The following BABAM2 variants were observed in gnomAD, a reference collection of about 807,000 sequenced individuals.
BABAM2 encodes the protein BRISC and BRCA1 A complex member 2.
Under a neutral mutation model 54.7 loss-of-function variants are expected in BABAM2, and 31 were observed. The ratio of observed to expected loss-of-function variants is 0.57; its 90% CI spans 0.43 to 0.77. BABAM2 has a LOEUF of 0.77. Ranked by LOEUF, BABAM2 falls within the 30% of genes least tolerant of loss-of-function variation. The probability of loss-of-function intolerance (pLI) is 0.00; values close to 1 mark genes in which losing one functional copy is unlikely to be tolerated. For missense variants in BABAM2, 364 were observed against 455.8 expected, an observed-to-expected ratio of 0.80 and a Z score of 1.83; for synonymous variants, 167 against 162.9, an observed-to-expected ratio of 1.03 and a Z score of -0.19.
chr2:28,230,654 G>A (rs1040103824), intron 7 of BABAM2, among the ~76,000 whole-genome samples: 2 of 150,568 alleles, frequency 1.3e-5, no homozygotes, highest in Non-Finnish European at 3.0e-5. Context: ...AGCCTGGGAA[G>A]TTGAGGCTGC....
intron 7 of BABAM2, among the ~76,000 whole-genome samples, chr2:28,211,386 CTTTT>C (rs770284745): frequency 1.0e-5 from 1 of 96,892 alleles, no homozygotes; most frequent in Non-Finnish European, 2.0e-5. Context: ...TCCTTATTAT[CTTTT>C]TTTTTTTTTT....
intron 6 of BABAM2, among the ~76,000 whole-genome samples, chr2:28,068,649 A>G (rs927319039): frequency 6.6e-5 from 10 of 152,220 alleles, no homozygotes; most frequent in Middle Eastern, 6.3e-3. Context: ...TTCAGCCTGA[A>G]AACATAACCT....
intron 3 of BABAM2, among the ~76,000 whole-genome samples, chr2:27,948,874 G>T (rs570398055): frequency 2.6e-5 from 4 of 152,176 alleles, no homozygotes; most frequent in Non-Finnish European, 4.4e-5. Flanking sequence ...TATTATGTTG[G>T]CTATGTATTT....
chr2:28,142,756 A>G (rs1180302173), intron 7 of BABAM2, among the ~76,000 whole-genome samples: 1 of 152,162 alleles, frequency 6.6e-6, no homozygotes, highest in Admixed American at 6.5e-5. Context: ...TAGCACAACC[A>G]ATTTAATGTG....
chr2:28,193,976 A>G lies in BABAM2; in HGVS notation c.681-43226A>G, dbSNP rs542916843. ...CAGGTGCTATGAGAGGAAAAGCATGAGGGGCTCGAGAGCACCTGGGAAGAC... is the reference window on the plus strand; with the variant it reads ...CAGGTGCTATGAGAGGAAAAGCATGGGGGGCTCGAGAGCACCTGGGAAGAC... On this transcript the variant is annotated intron_variant, in intron 7 of 11. Transcript: ENST00000379624. Among the ~76,000 whole-genome samples, 3 of 152,258 alleles carry G rather than the reference A, an allele frequency of 2.0e-5. No individual in the cohort carries two copies. The East Asian group carries it at 5.8e-4, about 29-fold the overall frequency.
chr2:28,241,359 G>C lies in BABAM2; in HGVS notation c.817G>C (p.Glu273Gln). 6.2e-7 allele frequency: 1 copy of C among 1,614,148 alleles called. No homozygotes were observed. The highest frequency in any genetic ancestry group is 8.5e-7 in the Non-Finnish European group (1 of 1,180,004). ...GATTCAAGGGTATCACAAAAGAAGA[G>C]AGTATATTGCTGCTTTTCTCAGTCA... ...YVIQGYHKRREYIAAFLSHFG... is the reference protein window; with the variant it reads ...YVIQGYHKRRQYIAAFLSHFG... Residue 273 changes from glutamate to glutamine, a missense_variant, in exon 9 of 12, where the codon GAG (glutamate) becomes CAG (glutamine). Physicochemically the swap from Glu to Gln is conservative, Grantham distance 29. Coordinates refer to ENST00000379624, the MANE Select transcript of BABAM2 (RefSeq NM_199191.3).
At chr2:28,049,767 A>G (rs1677866590) in intron 6 of BABAM2, among the ~76,000 whole-genome samples, 8 of 152,242 alleles carry the variant, frequency 5.3e-5, no homozygotes, top group Admixed American at 5.2e-4. Flanking sequence ...CAGGGTGTCT[A>G]GACTTGTTCA....
intron 10 of BABAM2, among the ~76,000 whole-genome samples, chr2:28,267,939 C>CA (rs1685120838): frequency 6.6e-6 from 1 of 152,136 alleles, no homozygotes; most frequent in Non-Finnish European, 1.5e-5. Context: ...TGTTCACTGA[C>CA]AGAGGAATGG....
At chr2:28,234,376 T>G (rs1237742171) in intron 7 of BABAM2, among the ~76,000 whole-genome samples, 1 of 152,144 alleles carries the variant, frequency 6.6e-6, no homozygotes, top group East Asian at 1.9e-4. Flanking sequence ...TTCACACCTC[T>G]GCTTTTCTCC....
At chr2:28,271,171 G>A (rs1276288068) in intron 10 of BABAM2, among the ~76,000 whole-genome samples, 1 of 152,238 alleles carries the variant, frequency 6.6e-6, no homozygotes, top group East Asian at 1.9e-4. Flanking sequence ...AAAGGAGGCA[G>A]CTGCTTCACA....
chr2:28,267,150 C>T (rs1360621027), intron 10 of BABAM2, among the ~76,000 whole-genome samples: 1 of 152,128 alleles, frequency 6.6e-6, no homozygotes, highest in African/African-American at 2.4e-5. Context: ...GAGTGAAACT[C>T]TGTCTCCAAA....
chr2:28,004,396 A>T (rs1036361841), intron 4 of BABAM2, among the ~76,000 whole-genome samples: 1 of 152,222 alleles, frequency 6.6e-6, no homozygotes, highest in Non-Finnish European at 1.5e-5. Flanking sequence ...GTAGGATTAC[A>T]AAAATAGAAG....
chr2:27,951,248 T>G (rs181739577), intron 3 of BABAM2, among the ~76,000 whole-genome samples: 1 of 152,296 alleles, frequency 6.6e-6, no homozygotes, highest in Non-Finnish European at 1.5e-5. Flanking sequence ...TTTGAGATCT[T>G]TCTTTTTTCC....
At chr2:27,890,582 C>A (rs1319507626), upstream of BABAM2, 1 of 498,522 alleles carries the variant, frequency 2.0e-6, no homozygotes, top group African/African-American at 2.0e-5. This position sits in a 1 kb window ranked among gnomAD's most constrained non-coding sequence, Gnocchi z 4.8. Flanking sequence ...AGACTCCGCG[C>A]TCCTCGTCAC....
intron 6 of BABAM2, among the ~76,000 whole-genome samples, chr2:28,108,904 T>A (rs1667751619): frequency 6.6e-6 from 1 of 152,188 alleles, no homozygotes; most frequent in South Asian, 2.1e-4. Context: ...TAATTAGCTC[T>A]ACATATTGGA....
intron 5 of BABAM2, among the ~76,000 whole-genome samples, chr2:28,026,843 A>AATATATATTTATAT: frequency 2.5e-5 from 1 of 40,640 alleles, no homozygotes; most frequent in Middle Eastern, 0.015. Flanking sequence ...AATATATATA[A>AATATATATTTATAT]ATATATATTT....
At chr2:28,191,346 G>C (rs1275837281) in intron 7 of BABAM2, among the ~76,000 whole-genome samples, 1 of 152,168 alleles carries the variant, frequency 6.6e-6, no homozygotes, top group Non-Finnish European at 1.5e-5. Context: ...TTCTTACAAA[G>C]TTAAGCATAC....
At chr2:28,156,630 T>G (rs936256988) in intron 7 of BABAM2, among the ~76,000 whole-genome samples, 1 of 152,130 alleles carries the variant, frequency 6.6e-6, no homozygotes, top group African/African-American at 2.4e-5. Flanking sequence ...GAAAGGAATA[T>G]TTACCTTAAG....
chr2:28,020,990 C>A (rs1243685677), intron 4 of BABAM2, among the ~76,000 whole-genome samples: 1 of 149,062 alleles, frequency 6.7e-6, no homozygotes, highest in African/African-American at 2.5e-5. Context: ...CACACACACA[C>A]AAACTACTTG....
Sources: gnomAD v4.1 joint callset for allele counts (sites outside exome capture counted in the v4.1 genomes callset) on GRCh38, gnomAD v4.1.1 for gene constraint, Gnocchi (gnomAD v3.1) non-coding constraint, MANE v1.5 for transcripts, NCBI Gene and HGNC (gene_info 2026-07-23, HGNC 2026-07-21) for gene names.